Variants in RFC2 observed in about 807,000 individuals in gnomAD.
RFC2 encodes the protein replication factor C subunit 2.
Under a neutral mutation model 44.8 loss-of-function variants are expected in RFC2, and 34 were observed. The observed-to-expected ratio is 0.76, with a 90% confidence interval of 0.58 to 1.01. RFC2 has a LOEUF of 1.01. RFC2 is among the 50% of genes least tolerant of loss of function. The pLI is 0.00. For synonymous variants in RFC2, 177 were observed against 168.9 expected (o/e 1.05, Z -0.37); for missense variants, 400 against 453.6 (o/e 0.88, Z 1.07).
At chr7:74,243,644 A>C (rs974815499) in intron 5 of RFC2, among the ~76,000 whole-genome samples, 2 of 150,392 alleles carry the variant, frequency 1.3e-5, no homozygotes, top group Admixed American at 1.3e-4. Context: ...GCTGTCACCC[A>C]GGCTGCAGTG....
chr7:74,249,506 A>C (rs1026696501), intron 3 of RFC2, among the ~76,000 whole-genome samples: 3 of 152,056 alleles, frequency 2.0e-5, no homozygotes, highest in South Asian at 4.2e-4. Flanking sequence ...GCACCACTGC[A>C]CTCTAGCCTG....
At chr7:74,250,793 CA>C (rs1253895062) in intron 2 of RFC2, among the ~76,000 whole-genome samples, 1 of 151,898 alleles carries the variant, frequency 6.6e-6, no homozygotes, top group Non-Finnish European at 1.5e-5. Flanking sequence ...CCTATTAAAA[CA>C]TTTTTTTTTT....
chr7:74,234,853 A>C (rs1802916550), intron 10 of RFC2, among the ~76,000 whole-genome samples: 2 of 152,118 alleles, frequency 1.3e-5, no homozygotes, highest in African/African-American at 4.8e-5. Flanking sequence ...ATCATGCTAC[A>C]TGTACAGCCT....
At chr7:74,246,131 G>A (rs868906944) in intron 5 of RFC2, among the ~76,000 whole-genome samples, 1 of 152,018 alleles carries the variant, frequency 6.6e-6, no homozygotes, top group African/African-American at 2.4e-5. Flanking sequence ...AGGAGGCGGA[G>A]GTTGCAGTGA....
At chr7:74,252,539 C>T (rs782610861) in intron 1 of RFC2, 41 bp from the exon 2 acceptor site, 2 of 1,133,262 alleles carry the variant, frequency 1.8e-6, no homozygotes, top group Non-Finnish European at 2.7e-6. Flanking sequence ...TGGTTATCTT[C>T]ACACTACCCC....
intron 1 of RFC2, among the ~76,000 whole-genome samples, chr7:74,252,900 T>C (rs1052514170): frequency 6.6e-6 from 1 of 152,138 alleles, no homozygotes; most frequent in African/African-American, 2.4e-5. Flanking sequence ...CATGCCACTA[T>C]ACTCCAGCCC....
intron 4 of RFC2, among the ~76,000 whole-genome samples, chr7:74,248,273 G>A (rs537005053): frequency 1.4e-4 from 21 of 151,966 alleles, no homozygotes; most frequent in African/African-American, 3.9e-4. Context: ...GGAGGCTGAT[G>A]CAAGGAGGAT....
Position 74,252,429 on chromosome 7 carries a change from C to T in RFC2, c.183G>A (p.Glu61=). 1.9e-6 allele frequency: 3 copies of T among 1,587,982 alleles called. No homozygotes were observed. Among genetic ancestry groups the T allele is most frequent in the Non-Finnish European group, 2.6e-6 (3 of 1,157,520 alleles). ...VGNEDTVSRL[E]VFAREGNVPN... ...CTCAAAAAAAAAAAAAGCCACTCAC[C>T]TCTAGCCTGCTCACGGTGTCTTCAT... The change falls in exon 2 of 11, where the codon GAG becomes GAA. Residue 61 remains glutamate, a splice_region_variant and synonymous_variant. Transcript: ENST00000055077.
intron 9 of RFC2, 92 bp from the exon 10 acceptor site, chr7:74,235,737 C>T: frequency 1.2e-6 from 1 of 814,054 alleles, no homozygotes; most frequent in Non-Finnish European, 2.2e-6. Flanking sequence ...GGGGCCCACC[C>T]TTCAGGTCAC....
rs1787149373 is a variant in RFC2 at position 74,254,283 on chromosome 7, T to C, written c.101A>G (p.Tyr34Cys). ...FSKAPGSAGH[Y>C]ELPWVEKYRP... ...CCTGGGACCTCACCACGGCAGTTCG[T>C]AGTGGCCGGCGCTGCCGGGGGCCTT... Residue 34 changes from tyrosine to cysteine, a missense_variant, in exon 1 of 11, where the codon TAC becomes TGC. Physicochemically the swap from Tyr to Cys is radical, Grantham distance 194. Coordinates refer to ENST00000055077, the MANE Select transcript of RFC2 (RefSeq NM_181471.3). 7 of 1,611,600 alleles carry C rather than the reference T, an allele frequency of 4.3e-6. No individual in the cohort carries two copies. The South Asian group carries it at 6.6e-5, about 15-fold the overall frequency.
intron 8 of RFC2, 104 bp from the exon 9 acceptor site, chr7:74,237,546 A>C: frequency 1.4e-4 from 80 of 586,516 alleles, no homozygotes; most frequent in Non-Finnish European, 1.9e-4. Context: ...AAAACTTCTC[A>C]ACCTGTTGTT....
chr7:74,252,264 G>C (rs1308650648), intron 2 of RFC2, among the ~76,000 whole-genome samples, 165 bp downstream of exon 2: 1 of 151,024 alleles, frequency 6.6e-6, no homozygotes, highest in Non-Finnish European at 1.5e-5. Context: ...AAAATTAGCT[G>C]GGTGTGGTGG....
intron 10 of RFC2, among the ~76,000 whole-genome samples, chr7:74,234,171 A>T (rs1224305343): frequency 6.6e-6 from 1 of 152,162 alleles, no homozygotes; most frequent in Non-Finnish European, 1.5e-5. Context: ...CACATCTGAA[A>T]GGCATTTCTG....
chr7:74,254,284 A>G lies in RFC2; in HGVS notation c.100T>C (p.Tyr34His). 1.9e-6 allele frequency: 3 copies of G among 1,611,350 alleles called. No individual in the cohort carries two copies. The highest frequency in any genetic ancestry group is 2.5e-6 in the Non-Finnish European group (3 of 1,178,318). Reference sequence around the variant, plus strand: ...CTGGGACCTCACCACGGCAGTTCGTAGTGGCCGGCGCTGCCGGGGGCCTTG... The same window carrying G: ...CTGGGACCTCACCACGGCAGTTCGTGGTGGCCGGCGCTGCCGGGGGCCTTG... ...FSKAPGSAGH[Y>H]ELPWVEKYRP... The change falls in exon 1 of 11, where the codon TAC (tyrosine) becomes CAC (histidine). Residue 34 changes from tyrosine (Y) to histidine (H), a missense_variant. Transcript: ENST00000055077.
intron 5 of RFC2, among the ~76,000 whole-genome samples, chr7:74,246,118 C>A (rs1238132059): frequency 6.6e-6 from 1 of 151,968 alleles, no homozygotes; most frequent in African/African-American, 2.4e-5. Context: ...ATCACGTGAA[C>A]CCAGGAGGCG....
chr7:74,235,834 G>A (rs1236502400), intron 9 of RFC2, among the ~76,000 whole-genome samples, 189 bp from the exon 10 acceptor site: 3 of 151,620 alleles, frequency 2.0e-5, no homozygotes, highest in African/African-American at 7.3e-5. Context: ...TTTTTTTTCA[G>A]TAATATAAAG....
chr7:74,253,122 C>T (rs948837124), intron 1 of RFC2, among the ~76,000 whole-genome samples: 6 of 152,202 alleles, frequency 3.9e-5, no homozygotes, highest in African/African-American at 7.2e-5. Flanking sequence ...CCTGTCCGCC[C>T]GTCACAAGAG....
At chr7:74,239,861 C>T (rs1584249994) in intron 7 of RFC2, 77 bp downstream of exon 7, 1 of 1,362,200 alleles carries the variant, frequency 7.3e-7, no homozygotes, top group East Asian at 2.5e-5. Context: ...GTGCAGCTGT[C>T]ACTTCCCTCC....
intron 10 of RFC2, among the ~76,000 whole-genome samples, chr7:74,233,496 T>G (rs2116243844): frequency 6.6e-6 from 1 of 151,944 alleles, no homozygotes; most frequent in South Asian, 2.1e-4. Flanking sequence ...AACGAGCACA[T>G]GATTAAATGT....
Sources: allele counts gnomAD v4.1 joint callset (sites outside exome capture counted in the v4.1 genomes callset), GRCh38; gene constraint gnomAD v4.1.1; transcripts MANE v1.5; gene names NCBI Gene and HGNC (gene_info 2026-07-23, HGNC 2026-07-21).